The following KIF5C variants were observed in gnomAD, a reference collection of about 807,000 sequenced individuals.
The protein encoded by KIF5C is kinesin family member 5C.
In KIF5C, 18 loss-of-function variants were observed where a neutral mutation model predicts 125.2. The observed-to-expected ratio is 0.14, with a 90% CI of 0.10 to 0.21. The LOEUF is 0.21. Among genes scored for constraint, KIF5C ranks in the 10% least tolerant of loss-of-function variants. KIF5C has a pLI of 1.00. For missense variants in KIF5C, 780 were observed against 1,183.8 expected, an observed-to-expected ratio of 0.66 and a Z score of 5.01; for synonymous variants, 405 against 434.0, an observed-to-expected ratio of 0.93 and a Z score of 0.83.
intron 1 of KIF5C, 145 bp downstream of exon 1, chr2:148,875,888 C>A: frequency 2.5e-6 from 3 of 1,208,718 alleles, no homozygotes; most frequent in Admixed American, 3.6e-5. Context: ...CCAGAGACCC[C>A]TCGCCCCGCG....
chr2:148,949,629 A>G (rs1246325257), intron 8 of KIF5C, among the ~76,000 whole-genome samples: 2 of 152,148 alleles, frequency 1.3e-5, no homozygotes, highest in Non-Finnish European at 2.9e-5. Context: ...ATTCCACTAA[A>G]ACCCAATTGA....
At chr2:148,982,922 A>C (rs930918388) in intron 14 of KIF5C, among the ~76,000 whole-genome samples, 1 of 152,240 alleles carries the variant, frequency 6.6e-6, no homozygotes, top group South Asian at 2.1e-4. Context: ...TACTGATGTT[A>C]AACGTTAGTT....
intron 11 of KIF5C, among the ~76,000 whole-genome samples, chr2:148,970,061 C>T (rs1411285407): frequency 6.6e-6 from 1 of 152,126 alleles, no homozygotes; most frequent in Non-Finnish European, 1.5e-5. Context: ...AGAATATAAA[C>T]TGAAAAGAGC....
At chr2:148,907,542 A>T (rs1160460797) in intron 1 of KIF5C, among the ~76,000 whole-genome samples, 1 of 152,246 alleles carries the variant, frequency 6.6e-6, no homozygotes, top group Non-Finnish European at 1.5e-5. Flanking sequence ...ATATTGGATC[A>T]TGGAGCTTGT....
At chr2:148,987,868 G>T (rs1252739129) in intron 15 of KIF5C, among the ~76,000 whole-genome samples, 3 of 152,234 alleles carry the variant, frequency 2.0e-5, no homozygotes, top group African/African-American at 7.2e-5. Flanking sequence ...CTTTAAATGT[G>T]AACATGCACC....
chr2:149,000,177 C>A, intron 19 of KIF5C: 1 of 388,384 alleles, frequency 2.6e-6, no homozygotes, highest in Non-Finnish European at 4.5e-6. Flanking sequence ...GAAGCTCTTG[C>A]ACAAGCAAAC....
chr2:148,955,270 T>C (rs1212529378), intron 10 of KIF5C, among the ~76,000 whole-genome samples: 1 of 152,240 alleles, frequency 6.6e-6, no homozygotes, highest in Admixed American at 6.5e-5. Context: ...TAGGCCATAG[T>C]GCCCAGTTAC....
intron 7 of KIF5C, among the ~76,000 whole-genome samples, chr2:148,945,326 G>A (rs1682496531): frequency 6.6e-6 from 1 of 151,824 alleles, no homozygotes; most frequent in Admixed American, 6.6e-5. Flanking sequence ...CTAAGGTAAG[G>A]GCCCAACATT....
intron 7 of KIF5C, among the ~76,000 whole-genome samples, chr2:148,944,605 T>C (rs1682482498): frequency 6.6e-6 from 1 of 152,218 alleles, no homozygotes; most frequent in Non-Finnish European, 1.5e-5. Flanking sequence ...TGAACATAGG[T>C]GTGCAAACAT....
chr2:148,959,167 T>C (rs1682867769), intron 10 of KIF5C, among the ~76,000 whole-genome samples: 1 of 152,226 alleles, frequency 6.6e-6, no homozygotes, highest in African/African-American at 2.4e-5. Context: ...TTGAAAGGAC[T>C]GCCCTTTCCA....
intron 25 of KIF5C, among the ~76,000 whole-genome samples, chr2:149,012,301 G>C (rs1328501513): frequency 6.6e-6 from 1 of 152,216 alleles, no homozygotes; most frequent in African/African-American, 2.4e-5. Flanking sequence ...AAGAAGCAGA[G>C]AGCGAAAACT....
intron 10 of KIF5C, among the ~76,000 whole-genome samples, chr2:148,952,734 A>G (rs377665425): frequency 6.4e-4 from 97 of 152,234 alleles, no homozygotes; most frequent in African/African-American, 2.2e-3. Flanking sequence ...CCTACTTTCA[A>G]GAATATTGGG....
In KIF5C at chr2:148,875,757, G is replaced by T. The variant is rs770516249; in HGVS notation, c.126+14G>T. ...GTGGTGATCGGGGTAAGTGGCTGGG[G>T]CGTCTGCCTTCCCTGCTGCTCCGCG... is the stretch of plus-strand genomic sequence containing the variant. On this transcript the variant is annotated intron_variant, in intron 1 of 25. Transcript: ENST00000435030. 10 of 1,600,094 alleles carry T rather than the reference G, an allele frequency of 6.2e-6. No homozygotes were observed. In the African/African-American group the frequency reaches 1.2e-4, roughly 19 times the overall value.
intron 3 of KIF5C, among the ~76,000 whole-genome samples, chr2:148,936,970 C>T (rs1373852371): frequency 6.6e-6 from 1 of 152,206 alleles, no homozygotes; most frequent in Non-Finnish European, 1.5e-5. Context: ...TTTTCCTCCT[C>T]CTCCTCACCC....
At chr2:148,948,783 CA>C (rs1462153999) in intron 8 of KIF5C, among the ~76,000 whole-genome samples, 4 of 152,164 alleles carry the variant, frequency 2.6e-5, no homozygotes, top group Admixed American at 2.6e-4. Flanking sequence ...TTGTATATTT[CA>C]TGGAGTTAAG....
intron 1 of KIF5C, among the ~76,000 whole-genome samples, chr2:148,914,261 G>A (rs1453145437): frequency 2.0e-5 from 3 of 152,216 alleles, no homozygotes; most frequent in Non-Finnish European, 4.4e-5. Flanking sequence ...GAGCTTGGGG[G>A]TGGGAGAGAA....
intron 7 of KIF5C, among the ~76,000 whole-genome samples, chr2:148,945,687 C>T (rs543282579): frequency 6.6e-6 from 1 of 152,152 alleles, no homozygotes; most frequent in South Asian, 2.1e-4. Flanking sequence ...TATTTGTAGT[C>T]TCTTATCCCT....
chr2:148,940,158 A>G (rs929950994), intron 4 of KIF5C, among the ~76,000 whole-genome samples: 1 of 152,210 alleles, frequency 6.6e-6, no homozygotes, highest in African/African-American at 2.4e-5. Context: ...GAATGCGCTG[A>G]ACCAGGGTGG....
At chr2:148,926,144 A>C (rs1211141004) in intron 2 of KIF5C, among the ~76,000 whole-genome samples, 2 of 152,224 alleles carry the variant, frequency 1.3e-5, no homozygotes, top group African/African-American at 4.8e-5. Context: ...TAATCTGAAG[A>C]TGGCACTAAC....
Sources: allele counts gnomAD v4.1 joint callset (sites outside exome capture counted in the v4.1 genomes callset), GRCh38; gene constraint gnomAD v4.1.1; transcripts MANE v1.5; gene names NCBI Gene and HGNC (gene_info 2026-07-23, HGNC 2026-07-21).